SLC44A1: variants seen among roughly 807,000 people sequenced by gnomAD.
The protein encoded by SLC44A1 is choline transporter-like protein 1.
Under a neutral mutation model 79.3 loss-of-function variants are expected in SLC44A1, and 26 were observed. That is an observed-to-expected ratio of 0.33 (90% CI 0.24 to 0.46). The LOEUF (loss-of-function observed/expected upper bound fraction) is 0.46. Among genes scored for constraint, SLC44A1 ranks in the 20% least tolerant of loss-of-function variants. SLC44A1 has a pLI of 1.00. For synonymous variants in SLC44A1, 263 were observed against 286.2 expected (o/e 0.92, Z 0.82); for missense variants, 688 against 798.1 (o/e 0.86, Z 1.66).
chr9:105,348,719 C>A (rs995887362), intron 5 of SLC44A1, among the ~76,000 whole-genome samples: 2 of 151,746 alleles, frequency 1.3e-5, no homozygotes, highest in South Asian at 4.2e-4. Context: ...ATTTTCATGC[C>A]ATAATTTTTA....
chr9:105,249,567 C>A, intron 1 of SLC44A1, among the ~76,000 whole-genome samples: 1 of 151,290 alleles, frequency 6.6e-6, no homozygotes, highest in Non-Finnish European at 1.5e-5. Flanking sequence ...TCTCATCGCC[C>A]AGGCTGGAGT....
At chr9:105,269,461 T>G (rs1830031928) in intron 1 of SLC44A1, among the ~76,000 whole-genome samples, 1 of 152,174 alleles carries the variant, frequency 6.6e-6, no homozygotes, top group Admixed American at 6.5e-5. Context: ...TTTAATAAAA[T>G]TCAGGTATAT....
At position 105,390,963 on chromosome 9, in the gene SLC44A1, A is replaced by G. The variant is rs1305506847; in HGVS notation, c.*1907A>G. On this transcript the variant is annotated 3_prime_UTR_variant, in exon 16 of 16. Transcript: ENST00000374720. ...AATGAATATAATTATATAACTAACA[A>G]TTGTCCAAATAGATGAGAGAGCAAA... 1.0e-6 allele frequency: 1 copy of G among 982,204 alleles called. No individual in the cohort carries two copies. The highest frequency in any genetic ancestry group is 1.2e-6 in the Non-Finnish European group (1 of 826,742). 60.8% of individuals were successfully genotyped at this position (982,204 alleles called of 1,614,324 possible).
intron 7 of SLC44A1, among the ~76,000 whole-genome samples, chr9:105,359,873 G>A (rs1029319620): frequency 6.6e-6 from 1 of 152,072 alleles, no homozygotes; most frequent in Non-Finnish European, 1.5e-5. Flanking sequence ...CTTGGTATTT[G>A]CCAACAAATA....
chr9:105,247,324 C>T (rs904607390), intron 1 of SLC44A1, among the ~76,000 whole-genome samples: 3 of 152,080 alleles, frequency 2.0e-5, no homozygotes, highest in African/African-American at 4.8e-5. Flanking sequence ...GACGGGGTTT[C>T]GCTTTTGTTG....
chr9:105,297,343 C>G (rs921633879), intron 1 of SLC44A1, among the ~76,000 whole-genome samples: 4 of 152,122 alleles, frequency 2.6e-5, no homozygotes, highest in Non-Finnish European at 5.9e-5. Context: ...TTTGAATTCC[C>G]TAAATTCTTA....
intron 15 of SLC44A1, among the ~76,000 whole-genome samples, chr9:105,388,479 A>ATAT (rs1828685413): frequency 6.6e-6 from 1 of 152,144 alleles, no homozygotes; most frequent in African/African-American, 2.4e-5. Context: ...TCCCTCCTCA[A>ATAT]TGAGATATTT....
chr9:105,285,780 A>G (rs1246733710), intron 1 of SLC44A1, among the ~76,000 whole-genome samples: 1 of 152,194 alleles, frequency 6.6e-6, no homozygotes, highest in Non-Finnish European at 1.5e-5. Context: ...ACAGTGGTGG[A>G]ATGTCATCAG....
At chr9:105,371,609 C>G (rs763289959) in intron 12 of SLC44A1, among the ~76,000 whole-genome samples, 3 of 151,204 alleles carry the variant, frequency 2.0e-5, no homozygotes, top group African/African-American at 4.9e-5. Flanking sequence ...GTCCCAGCTA[C>G]TCGGGAGGCT....
chr9:105,267,473 T>G (rs903156894), intron 1 of SLC44A1, among the ~76,000 whole-genome samples: 2 of 152,184 alleles, frequency 1.3e-5, no homozygotes, highest in African/African-American at 4.8e-5. Flanking sequence ...TGAATTTTCT[T>G]ACCATTTAAA....
intron 3 of SLC44A1, among the ~76,000 whole-genome samples, chr9:105,321,307 G>T (rs1048573459): frequency 6.6e-6 from 1 of 152,134 alleles, no homozygotes; most frequent in African/African-American, 2.4e-5. Context: ...TATTCCAGAA[G>T]CATTTATTGA....
chr9:105,350,781 G>T (rs1827381523), intron 5 of SLC44A1, among the ~76,000 whole-genome samples: 1 of 152,184 alleles, frequency 6.6e-6, no homozygotes, highest in African/African-American at 2.4e-5. Flanking sequence ...ACATCTGTGT[G>T]CTTGGCACTT....
intron 14 of SLC44A1, among the ~76,000 whole-genome samples, chr9:105,385,042 T>C (rs2131469845): frequency 6.6e-6 from 1 of 152,384 alleles, no homozygotes; most frequent in African/African-American, 2.4e-5. Flanking sequence ...TGGAGTAACG[T>C]GTTCTTGTTG....
chr9:105,245,144 C>G (rs912349677), intron 1 of SLC44A1, among the ~76,000 whole-genome samples: 1 of 152,042 alleles, frequency 6.6e-6, no homozygotes, highest in African/African-American at 2.4e-5. Flanking sequence ...CTCAGCTCTT[C>G]CCGGCCCCTT....
Position 105,389,322 on chromosome 9 carries a change from C to T in SLC44A1, c.*266C>T. The T allele has an allele frequency of 8.6e-7, 1 of 1,166,558 alleles. No individual in the cohort carries two copies. The allele number at this position is 1,166,558 out of a possible 1,614,324, so 72.3% of individuals were successfully genotyped here. ...AACTTCCGTCATTTAATGTTTTCAA[C>T]TGTAATTGTCTTAATGGAAATGTTA... On this transcript the variant is annotated 3_prime_UTR_variant, in exon 16 of 16. Coordinates refer to ENST00000374720, the MANE Select transcript of SLC44A1 (RefSeq NM_080546.5).
At chr9:105,268,690 A>G (rs1279003698) in intron 1 of SLC44A1, among the ~76,000 whole-genome samples, 1 of 151,990 alleles carries the variant, frequency 6.6e-6, no homozygotes, top group Non-Finnish European at 1.5e-5. Flanking sequence ...AGTAGAGACA[A>G]GGTTTCACCA....
At chr9:105,362,696 T>G in intron 8 of SLC44A1, 125 bp from the exon 9 acceptor site, 1 of 587,928 alleles carries the variant, frequency 1.7e-6, no homozygotes, top group Non-Finnish European at 2.9e-6. Context: ...TGATAAAGTA[T>G]TATTGAAATT....
chr9:105,378,113 A>G (rs1027439703), intron 13 of SLC44A1, among the ~76,000 whole-genome samples: 1 of 152,118 alleles, frequency 6.6e-6, no homozygotes, highest in South Asian at 2.1e-4. Flanking sequence ...CCAGGCATAT[A>G]GTGGTACATG....
At chr9:105,295,271 A>G (rs946538477) in intron 1 of SLC44A1, among the ~76,000 whole-genome samples, 2 of 152,212 alleles carry the variant, frequency 1.3e-5, no homozygotes, top group African/African-American at 4.8e-5. Context: ...CTGGGTTTCA[A>G]TCACTCTCAC....
Sources: allele counts gnomAD v4.1 joint callset (sites outside exome capture counted in the v4.1 genomes callset), GRCh38; gene constraint gnomAD v4.1.1; transcripts MANE v1.5; gene names NCBI Gene and HGNC (gene_info 2026-07-23, HGNC 2026-07-21).